CEP57: variants seen among roughly 807,000 people sequenced by gnomAD.
CEP57 encodes centrosomal protein 57.
A neutral mutation model predicts 68.0 loss-of-function variants in CEP57; 40 were observed. The ratio of observed to expected loss-of-function variants is 0.59; its 90% CI spans 0.46 to 0.77. The LOEUF is 0.77. CEP57 is among the 30% of genes least tolerant of loss of function. The pLI is 0.00. For missense variants in CEP57, 606 were observed against 580.7 expected (o/e 1.04, Z -0.45); for synonymous variants, 219 against 198.7 (o/e 1.10, Z -0.86).
In CEP57 at chr11:95,818,859, TGAA is replaced by T. The variant is rs746863051; in HGVS notation, c.661_663del (p.Glu221del). Reference sequence around the variant, plus strand: ...TGCAAGAGTTGGAAGCAAAACTCCATGAAGAAGAACAGGAAAGGAAACGCATGC... The same window carrying T: ...TGCAAGAGTTGGAAGCAAAACTCCATGAAGAACAGGAAAGGAAACGCATGC... On this transcript the variant is annotated inframe_deletion, in exon 6 of 11. Coordinates refer to ENST00000325542, the MANE Select transcript of CEP57 (RefSeq NM_014679.5). The T allele has an allele frequency of 6.8e-6, 11 of 1,613,892 alleles. No homozygotes were observed. The highest frequency in any genetic ancestry group is 5.0e-5 in the Admixed American group (3 of 59,992).
intron 2 of CEP57, among the ~76,000 whole-genome samples, chr11:95,808,434 CA>C (rs1861906061): frequency 6.6e-6 from 1 of 151,970 alleles, no homozygotes. Flanking sequence ...AATTGGATAC[CA>C]AGAGTCAAGA....
chr11:95,801,063 A>G (rs1861558127), intron 2 of CEP57, among the ~76,000 whole-genome samples: 1 of 152,194 alleles, frequency 6.6e-6, no homozygotes, highest in African/African-American at 2.4e-5. Context: ...GTTGAGGAAC[A>G]TTTTTTGTTT....
intron 2 of CEP57, among the ~76,000 whole-genome samples, chr11:95,805,095 G>C (rs1861737376): frequency 6.6e-6 from 1 of 152,120 alleles, no homozygotes; most frequent in Non-Finnish European, 1.5e-5. Context: ...AAATATAAGT[G>C]CAGAAATAAA....
intron 8 of CEP57, among the ~76,000 whole-genome samples, chr11:95,824,316 C>T (rs1337853612): frequency 6.6e-6 from 1 of 151,954 alleles, no homozygotes; most frequent in Non-Finnish European, 1.5e-5. Context: ...GTGCCAAAAC[C>T]TTGTGCTTTT....
intron 5 of CEP57, 120 bp downstream of exon 5, chr11:95,818,023 T>C (rs185709011): frequency 1.3e-5 from 9 of 707,720 alleles, no homozygotes; most frequent in South Asian, 8.0e-5. Flanking sequence ...AAGAAATATA[T>C]TGGAGTTTTA....
At chr11:95,818,972 T>A in intron 6 of CEP57, 68 bp downstream of exon 6, 1 of 1,136,720 alleles carries the variant, frequency 8.8e-7, no homozygotes, top group Non-Finnish European at 1.3e-6. Context: ...AGTAAACAAT[T>A]ACATTTAGGT....
At chr11:95,798,829 AAGT>A (rs1861454928) in intron 1 of CEP57, among the ~76,000 whole-genome samples, 1 of 152,216 alleles carries the variant, frequency 6.6e-6, no homozygotes, top group Admixed American at 6.5e-5. Context: ...ATAAATATTC[AAGT>A]AGTAGTTTGT....
chr11:95,802,362 C>G (rs562254390), intron 2 of CEP57, among the ~76,000 whole-genome samples: 84 of 150,878 alleles, frequency 5.6e-4, no homozygotes, highest in African/African-American at 2.0e-3. Flanking sequence ...TCAAGCAATT[C>G]TCCTGCCTCA....
intron 3 of CEP57, among the ~76,000 whole-genome samples, 172 bp downstream of exon 3, chr11:95,813,283 A>G (rs1335471554): frequency 2.0e-5 from 3 of 152,236 alleles, no homozygotes; most frequent in Non-Finnish European, 4.4e-5. Flanking sequence ...CATGGCATTT[A>G]TTTACTGAAT....
intron 4 of CEP57, chr11:95,815,154 G>A (rs1303246721): frequency 1.3e-5 from 2 of 152,178 alleles, no homozygotes; most frequent in Non-Finnish European, 2.9e-5. Context: ...CACAGATACA[G>A]AGGGCTTACC....
intron 10 of CEP57, among the ~76,000 whole-genome samples, chr11:95,829,908 G>A (rs904978180): frequency 2.0e-5 from 3 of 152,172 alleles, no homozygotes; most frequent in African/African-American, 7.2e-5. Context: ...CAGTAGTTGG[G>A]TTTGGGCAGA....
At chr11:95,807,435 TA>T (rs1861852681) in intron 2 of CEP57, among the ~76,000 whole-genome samples, 2 of 152,138 alleles carry the variant, frequency 1.3e-5, no homozygotes, top group Non-Finnish European at 2.9e-5. Context: ...TAAAGGAAGA[TA>T]TTTGAACCCA....
chr11:95,821,946 A>AT lies in CEP57; in HGVS notation c.777dup (p.Lys260Ter). On this transcript the variant is annotated frameshift_variant, in exon 7 of 11. Transcript: ENST00000325542. LOFTEE classifies it high-confidence loss of function. ...TCCGTGTGTTCCCAATGCAAGAAGA[A>AT]TTAAAAAAAAGAAGTCAAAACCACC... 1.2e-6 allele frequency: 2 copies of AT among 1,612,850 alleles called. No individual in the cohort carries two copies. The highest frequency in any genetic ancestry group is 1.7e-6 in the Non-Finnish European group (2 of 1,179,512).
chr11:95,799,160 A>C, intron 1 of CEP57, 72 bp from the exon 2 acceptor site: 1 of 1,485,980 alleles, frequency 6.7e-7, no homozygotes, highest in Non-Finnish European at 9.3e-7. Flanking sequence ...TCTCAGTCAT[A>C]AATATTTGTG....
intron 4 of CEP57, among the ~76,000 whole-genome samples, 157 bp downstream of exon 4, chr11:95,813,746 C>G (rs1017481576): frequency 2.6e-5 from 4 of 152,066 alleles, no homozygotes; most frequent in Non-Finnish European, 5.9e-5. Flanking sequence ...ATGTGATTGG[C>G]TTTTTCTTGT....
chr11:95,825,041 C>G (rs1862679867), intron 8 of CEP57, among the ~76,000 whole-genome samples: 1 of 152,170 alleles, frequency 6.6e-6, no homozygotes, highest in Admixed American at 6.5e-5. Flanking sequence ...CATGGAAGTT[C>G]AACACCAAAG....
chr11:95,801,495 A>C (rs559878413), intron 2 of CEP57, among the ~76,000 whole-genome samples: 11 of 152,100 alleles, frequency 7.2e-5, no homozygotes, highest in African/African-American at 2.4e-4. Flanking sequence ...GTAGAGCAAA[A>C]ATCAGTTGCA....
intron 3 of CEP57, 77 bp downstream of exon 3, chr11:95,813,188 A>G (rs1005467640): frequency 5.7e-6 from 8 of 1,409,406 alleles, no homozygotes; most frequent in Admixed American, 1.8e-5. Flanking sequence ...GAAATAGTAC[A>G]TTAGTGTTTT....
chr11:95,817,823 C>T lies in CEP57; in HGVS notation c.541C>T (p.His181Tyr). 2 of 1,613,906 alleles carry T rather than the reference C, an allele frequency of 1.2e-6. No individual in the cohort carries two copies. Among genetic ancestry groups the T allele is most frequent in the Non-Finnish European group, 1.7e-6 (2 of 1,179,850 alleles). ...LERERQHDQT[H>Y]VQSQLEKLDL... ...AAGAGAACGACAACATGATCAAACA[C>T]ATGTTCAGAGCCAACTTGAAAAATT... Residue 181 changes from histidine to tyrosine, a missense_variant, in exon 5 of 11, where the codon CAT becomes TAT. Coordinates refer to ENST00000325542, the MANE Select transcript of CEP57 (RefSeq NM_014679.5).
Sources: gnomAD v4.1 joint callset for allele counts (sites outside exome capture counted in the v4.1 genomes callset) on GRCh38, gnomAD v4.1.1 for gene constraint, MANE v1.5 for transcripts, NCBI Gene and HGNC (gene_info 2026-07-23, HGNC 2026-07-21) for gene names.